TPO: variants seen among roughly 807,000 people sequenced by gnomAD.
TPO encodes the protein thyroid peroxidase.
Under a neutral mutation model 96.9 loss-of-function variants are expected in TPO, and 78 were observed. The observed-to-expected ratio is 0.81, with a 90% CI of 0.67 to 0.97. TPO has a LOEUF of 0.97. Ranked by LOEUF, TPO falls within the 50% of genes least tolerant of loss-of-function variation. The pLI, the probability that TPO is intolerant of heterozygous loss-of-function variation, is 0.00. For missense variants in TPO, 1,252 were observed against 1,274.8 expected, an observed-to-expected ratio of 0.98 and a Z score of 0.27; for synonymous variants, 547 against 538.0, an observed-to-expected ratio of 1.02 and a Z score of -0.23.
Position 1,490,531 on chromosome 2 carries a change from G to A in TPO, c.1768+2540G>A, listed in dbSNP as rs114135857. Among the ~76,000 whole-genome samples the A allele has an allele frequency of 1.8e-3, 266 of 151,996 alleles. 8 individuals carry two copies. The highest frequency in any genetic ancestry group is 6.8e-3 in the Middle Eastern group (2 of 294). ...AGAGCTGCCACACATGGGTCCCTGCGGCCTGCAGTTCGAAGCCCACTGCAT... is the reference window on the plus strand; with the variant it reads ...AGAGCTGCCACACATGGGTCCCTGCAGCCTGCAGTTCGAAGCCCACTGCAT... On this transcript the variant is annotated intron_variant, in intron 10 of 16. Transcript: ENST00000329066.
rs558139319 is a variant in TPO at position 1,497,623 on chromosome 2, G to GAACA, written c.2386+858_2386+859insAACA. Among the ~76,000 whole-genome samples, 159 of 152,268 alleles carry GAACA rather than the reference G, an allele frequency of 1.0e-3. 1 individual carries two copies. The highest frequency in any genetic ancestry group is 3.7e-3 in the African/African-American group (155 of 41,570). On this transcript the variant is annotated intron_variant, in intron 13 of 16. Transcript: ENST00000329066. ...AGTGGCGTCAGGGCAGGCAGGAGCAGGAATGGCTGCTGTTCTGGGAGGAAG... is the reference window on the plus strand; with the variant it reads ...AGTGGCGTCAGGGCAGGCAGGAGCAGAACAGAATGGCTGCTGTTCTGGGAGGAAG...
At chr2:1,380,950 C>A (rs928539886) in intron 1 of TPO, among the ~76,000 whole-genome samples, 1 of 152,074 alleles carries the variant, frequency 6.6e-6, no homozygotes, top group Non-Finnish European at 1.5e-5. Flanking sequence ...CAAGAGAAAA[C>A]AAAGTGAGAG....
chr2:1,481,736 C>T (rs576294746), intron 8 of TPO, among the ~76,000 whole-genome samples: 2 of 152,348 alleles, frequency 1.3e-5, no homozygotes, highest in African/African-American at 2.4e-5. Context: ...GAGAAAGGGC[C>T]GTTCCTGCAG....
In TPO at chr2:1,430,389, T is replaced by A. The variant is rs1381916620; in HGVS notation, c.180-3049T>A. Among the ~76,000 whole-genome samples, 13 of 152,120 alleles carry A rather than the reference T, an allele frequency of 8.5e-5. 1 individual carries two copies. Among genetic ancestry groups the A allele is most frequent in the Non-Finnish European group, 1.6e-4 (11 of 68,024 alleles). Reference sequence around the variant, plus strand: ...CTTCCCCTAGATTTCAGAGAATCCATGAAAAAGCCTAGTGCCCAGGTAGAA... The same window carrying A: ...CTTCCCCTAGATTTCAGAGAATCCAAGAAAAAGCCTAGTGCCCAGGTAGAA... On this transcript the variant is annotated intron_variant, in intron 3 of 16. Coordinates refer to ENST00000329066, the MANE Select transcript of TPO (RefSeq NM_001206744.2).
chr2:1,453,659 C>T (rs1411312217), intron 5 of TPO, 35 bp from the exon 6 acceptor site: 2 of 1,613,640 alleles, frequency 1.2e-6, no homozygotes, highest in African/African-American at 2.7e-5. Flanking sequence ...TTCTTCTCCC[C>T]CATCTCAAAC....
intron 13 of TPO, among the ~76,000 whole-genome samples, chr2:1,499,368 T>A (rs1320878210): frequency 2.6e-5 from 4 of 152,202 alleles, no homozygotes; most frequent in Non-Finnish European, 5.9e-5. Context: ...TGAAATTTTT[T>A]CATTTATCTT....
chr2:1,405,645 T>C (rs1662239894), intron 1 of TPO, among the ~76,000 whole-genome samples: 1 of 152,174 alleles, frequency 6.6e-6, no homozygotes, highest in African/African-American at 2.4e-5. Flanking sequence ...TCTTCTGTTT[T>C]CTCACAGATT....
At position 1,377,234 on chromosome 2, in the gene TPO, T is replaced by C. The variant is rs566187648; in HGVS notation, n.180+2832T>C. ...CCTGCTGCCTTTAGATCAGCACCTC[T>C]GGTTATTTTTCAGCTTGACTTACAC... On this transcript the variant is annotated intron_variant and non_coding_transcript_variant, in intron 1 of 5. Coordinates refer to the TPO transcript ENST00000497517. Among the ~76,000 whole-genome samples the C allele has an allele frequency of 8.5e-5, 13 of 152,330 alleles. No homozygotes were observed. The East Asian group carries it at 2.5e-3, about 29-fold the overall frequency.
In TPO at chr2:1,477,357, T is replaced by C; in HGVS notation, c.1091T>C (p.Leu364Pro). ...CTCCGGGACTCCGGCCGCGCCTACC[T>C]GCCCTTCGTGCCGCCACGCGCGCCT... ...ARLRDSGRAY[L>P]PFVPPRAPAA... The change falls in exon 8 of 17, where the codon CTG becomes CCG. Residue 364 changes from leucine (L) to proline (P), a missense_variant. Transcript: ENST00000329066. 6 of 1,541,386 alleles carry C rather than the reference T, an allele frequency of 3.9e-6. No homozygotes were observed. Among genetic ancestry groups the C allele is most frequent in the Non-Finnish European group, 4.4e-6 (5 of 1,141,154 alleles).
intron 3 of TPO, among the ~76,000 whole-genome samples, chr2:1,428,535 A>G (rs553186311): frequency 1.3e-5 from 2 of 152,310 alleles, no homozygotes; most frequent in South Asian, 2.1e-4. Context: ...AGCTGAGCTC[A>G]GTTTCCCAGA....
intron 7 of TPO, among the ~76,000 whole-genome samples, chr2:1,473,145 C>T (rs1669592050): frequency 6.6e-6 from 1 of 152,190 alleles, no homozygotes; most frequent in African/African-American, 2.4e-5. Context: ...GCCAGGTCTA[C>T]TTATGTGTTG....
At chr2:1,391,689 T>A (rs868334888) in intron 1 of TPO, among the ~76,000 whole-genome samples, 3 of 152,168 alleles carry the variant, frequency 2.0e-5, no homozygotes, top group Non-Finnish European at 4.4e-5. Flanking sequence ...CTTTTATTTC[T>A]TTGAGCAGTA....
intron 10 of TPO, 36 bp downstream of exon 10, chr2:1,488,027 C>G: frequency 6.2e-7 from 1 of 1,611,212 alleles, no homozygotes; most frequent in Non-Finnish European, 8.5e-7. Context: ...CCTCATGCAG[C>G]TGCTGCGGGA....
At chr2:1,534,540 T>C (rs1238570500) in intron 15 of TPO, among the ~76,000 whole-genome samples, 3 of 73,544 alleles carry the variant, frequency 4.1e-5, no homozygotes, top group Admixed American at 1.6e-4. Flanking sequence ...CTGTGCAACC[T>C]CCCCAAATCC....
intron 1 of TPO, among the ~76,000 whole-genome samples, chr2:1,379,044 G>A (rs1479516195): frequency 2.0e-5 from 3 of 152,148 alleles, no homozygotes; most frequent in Non-Finnish European, 4.4e-5. Flanking sequence ...CATTTAAAGA[G>A]TGAAGGCCCC....
intron 3 of TPO, among the ~76,000 whole-genome samples, chr2:1,426,611 T>C (rs1467561430): frequency 6.6e-6 from 1 of 152,334 alleles, no homozygotes; most frequent in East Asian, 1.9e-4. Context: ...AAAGTCATTG[T>C]TTTAGATGCC....
At chr2:1,394,875 C>G (rs1489041226) in intron 1 of TPO, among the ~76,000 whole-genome samples, 2 of 152,134 alleles carry the variant, frequency 1.3e-5, no homozygotes, top group Non-Finnish European at 2.9e-5. Context: ...GTTAGATTTG[C>G]AGGAGCGGAA....
intron 1 of TPO, among the ~76,000 whole-genome samples, chr2:1,383,101 A>G (rs1661834685): frequency 6.6e-6 from 1 of 152,104 alleles, no homozygotes; most frequent in South Asian, 2.1e-4. Flanking sequence ...TATATGTGTC[A>G]TATTTCCTTA....
At chr2:1,454,229 C>T (rs2070882) in intron 6 of TPO, among the ~76,000 whole-genome samples, 63,869 of 152,032 alleles carry the variant, frequency 0.42, 13,818 homozygotes, top group East Asian at 0.5. Flanking sequence ...TTGCTGGACA[C>T]TCATAGCCTA....
Sources: allele counts gnomAD v4.1 joint callset (sites outside exome capture counted in the v4.1 genomes callset), GRCh38; gene constraint gnomAD v4.1.1; transcripts MANE v1.5; gene names NCBI Gene and HGNC (gene_info 2026-07-23, HGNC 2026-07-21).